Variants in GLIS3 observed in about 807,000 individuals in gnomAD.
GLIS3 encodes zinc finger protein GLIS3.
A neutral mutation model predicts 78.6 loss-of-function variants in GLIS3; 53 were observed. That is an observed-to-expected ratio of 0.67 (90% CI 0.54 to 0.85). The LOEUF (loss-of-function observed/expected upper bound fraction) is 0.85, where lower values mean the gene tolerates loss of function less well. Ranked by LOEUF, GLIS3 falls within the 40% of genes least tolerant of loss-of-function variation. GLIS3 has a pLI of 0.00. For synonymous variants in GLIS3, 684 were observed against 509.9 expected, an observed-to-expected ratio of 1.34 and a Z score of -4.60; for missense variants, 1,703 against 1,231.1, an observed-to-expected ratio of 1.38 and a Z score of -5.74.
chr9:4,200,033 A>G (rs546605278), intron 2 of GLIS3, among the ~76,000 whole-genome samples: 103 of 152,346 alleles, frequency 6.8e-4, no homozygotes, highest in African/African-American at 2.4e-3. Context: ...TTACATGGAA[A>G]TTAACTTACT....
intron 2 of GLIS3, among the ~76,000 whole-genome samples, chr9:4,232,509 C>T (rs1822358908): frequency 6.6e-6 from 1 of 151,986 alleles, no homozygotes; most frequent in Non-Finnish European, 1.5e-5. Context: ...GTTTGACTTT[C>T]AGCAATATGA....
At chr9:4,366,894 G>T in the GLIS3 span, among the ~76,000 whole-genome samples, 1 of 152,190 alleles carries the variant, frequency 6.6e-6, no homozygotes, top group Non-Finnish European at 1.5e-5. Flanking sequence ...AAAATTACAG[G>T]CTCGTGGAAG....
chr9:4,012,765 CTTT>C (rs71324278), intron 4 of GLIS3, among the ~76,000 whole-genome samples: 175 of 66,478 alleles, frequency 2.6e-3, no homozygotes, highest in African/African-American at 9.2e-3. Context: ...TTTTCTTTTT[CTTT>C]TTTTTTTTTT....
At chr9:3,953,793 C>CTA (rs1272427441) in intron 4 of GLIS3, among the ~76,000 whole-genome samples, 62 of 46,904 alleles carry the variant, frequency 1.3e-3, no homozygotes, top group Middle Eastern at 0.014. Flanking sequence ...CTCTCTCTCT[C>CTA]TCTATATATA....
intron 2 of GLIS3, among the ~76,000 whole-genome samples, chr9:4,149,869 G>C (rs1339390015): frequency 6.6e-5 from 10 of 152,202 alleles, no homozygotes; most frequent in Admixed American, 6.5e-4. Flanking sequence ...TGATGATAAT[G>C]ATGGTGATAT....
chr9:4,309,250 A>C (rs944986021), intron 3 of GLIS3, among the ~76,000 whole-genome samples: 2 of 152,244 alleles, frequency 1.3e-5, no homozygotes, highest in Non-Finnish European at 2.9e-5. Flanking sequence ...ATAGGCACTC[A>C]ATAGTCTGTT....
chr9:4,215,672 C>G (rs950027361), intron 2 of GLIS3, among the ~76,000 whole-genome samples: 6 of 152,192 alleles, frequency 3.9e-5, no homozygotes, highest in African/African-American at 1.4e-4. Context: ...CCATCATCAG[C>G]TTCCATTTCC....
At chr9:4,344,080 ATAT>A (rs1275138184) in intron 2 of GLIS3, among the ~76,000 whole-genome samples, 2 of 152,190 alleles carry the variant, frequency 1.3e-5, no homozygotes, top group African/African-American at 4.8e-5. Context: ...TCAGAAAGAA[ATAT>A]TATAATAATA....
the GLIS3 span, among the ~76,000 whole-genome samples, chr9:4,398,065 G>T: frequency 6.6e-6 from 1 of 151,972 alleles, no homozygotes; most frequent in Admixed American, 6.6e-5. Context: ...CCCTTCTTAA[G>T]AAAGCAGTTT....
Position 4,118,664 on chromosome 9 carries a change from A to T in GLIS3, c.814T>A (p.Tyr272Asn), listed in dbSNP as rs755501768. 27 of 1,614,050 alleles carry T rather than the reference A, an allele frequency of 1.7e-5. No individual in the cohort carries two copies. Among genetic ancestry groups the T allele is most frequent in the Non-Finnish European group, 2.3e-5 (27 of 1,180,030 alleles). Residue 272 changes from tyrosine to asparagine, a missense_variant, in exon 4 of 11, where the codon TAC becomes AAC. Coordinates refer to ENST00000381971, the MANE Select transcript of GLIS3 (RefSeq NM_001042413.2). The surrounding 1 kb of genome is among the most constrained non-coding windows in gnomAD (Gnocchi z 4.7). ...TGGCTACTTTCCGTGCCAAAAAGGT[A>T]GGATGGTAATGAGTTAGAGACACTA... ...SNSVSNSLPS[Y>N]LFGTESSHSP... is the part of the protein sequence containing the mutation.
intron 2 of GLIS3, among the ~76,000 whole-genome samples, chr9:4,157,980 A>G (rs551289576): frequency 3.9e-5 from 6 of 152,360 alleles, no homozygotes; most frequent in African/African-American, 1.4e-4. Context: ...ACGGATGTAT[A>G]TATTGCAAGC....
At chr9:4,192,079 G>A (rs1053432624) in intron 2 of GLIS3, among the ~76,000 whole-genome samples, 4 of 152,060 alleles carry the variant, frequency 2.6e-5, no homozygotes, top group African/African-American at 7.2e-5. Flanking sequence ...GATAAACATT[G>A]AGCATGGCAA....
At chr9:3,896,634 C>G (rs1253131413) in intron 7 of GLIS3, among the ~76,000 whole-genome samples, 1 of 116,944 alleles carries the variant, frequency 8.6e-6, no homozygotes, top group Non-Finnish European at 1.6e-5. Flanking sequence ...CCACTGCAGT[C>G]CAGCCTGGTT....
At chr9:4,046,207 T>C (rs181871980) in intron 4 of GLIS3, among the ~76,000 whole-genome samples, 11 of 152,326 alleles carry the variant, frequency 7.2e-5, no homozygotes, top group Admixed American at 1.3e-4. Context: ...GATACTCACC[T>C]TAAGAGAGGA....
the GLIS3 span, among the ~76,000 whole-genome samples, chr9:4,450,698 A>G: frequency 6.6e-6 from 1 of 152,244 alleles, no homozygotes; most frequent in Admixed American, 6.5e-5. Flanking sequence ...AATATTCGAC[A>G]TTCTTAAAGA....
chr9:4,182,337 T>C (rs1424775392), intron 2 of GLIS3, among the ~76,000 whole-genome samples: 4 of 152,160 alleles, frequency 2.6e-5, no homozygotes, highest in South Asian at 2.1e-4. Flanking sequence ...AGTGGTGTCG[T>C]CCGTACTCCT....
At chr9:4,239,581 C>A (rs775403590) in intron 2 of GLIS3, among the ~76,000 whole-genome samples, 1 of 152,198 alleles carries the variant, frequency 6.6e-6, no homozygotes, top group South Asian at 2.1e-4. Context: ...AACCACCATA[C>A]TGATGTGCTC....
intron 2 of GLIS3, among the ~76,000 whole-genome samples, chr9:4,154,278 C>T (rs776726363): frequency 8.5e-5 from 13 of 152,126 alleles, no homozygotes; most frequent in South Asian, 6.2e-4. Flanking sequence ...AGAGTGGGAG[C>T]GTCACATCAC....
At chr9:4,009,396 G>A (rs533639971) in intron 4 of GLIS3, among the ~76,000 whole-genome samples, 20 of 152,256 alleles carry the variant, frequency 1.3e-4, no homozygotes, top group Admixed American at 5.2e-4. Flanking sequence ...TGTAACAGGC[G>A]CCAGCTGCCA....
Sources: gnomAD v4.1 joint callset for allele counts (sites outside exome capture counted in the v4.1 genomes callset) on GRCh38, gnomAD v4.1.1 for gene constraint, Gnocchi (gnomAD v3.1) non-coding constraint, MANE v1.5 for transcripts, NCBI Gene and HGNC (gene_info 2026-07-23, HGNC 2026-07-21) for gene names.